Variants in NUP210L observed in about 807,000 individuals in gnomAD.
The protein encoded by NUP210L is nucleoporin 210 like.
A neutral mutation model predicts 208.5 loss-of-function variants in NUP210L; 74 were observed. That is an observed-to-expected ratio of 0.35 (90% confidence interval 0.29 to 0.43). NUP210L has a LOEUF of 0.43. NUP210L is among the 20% of genes least tolerant of loss of function. The probability of loss-of-function intolerance (pLI) is 1.00; values close to 1 mark genes in which losing one functional copy is unlikely to be tolerated. For missense variants in NUP210L, 1,843 were observed against 2,289.4 expected, an observed-to-expected ratio of 0.81 and a Z score of 3.98; for synonymous variants, 780 against 816.9, an observed-to-expected ratio of 0.95 and a Z score of 0.77.
chr1:154,104,297 T>C (rs1656634466), intron 12 of NUP210L, 87 bp from the exon 13 acceptor site: 2 of 987,868 alleles, frequency 2.0e-6, no homozygotes, highest in African/African-American at 1.6e-5. Flanking sequence ...AATAGAACCC[T>C]CCAGTGATTG....
At chr1:154,154,680 GCTCCTCGCCACCTTCACTGACACCACACT>G (rs1347807006) in intron 1 of NUP210L, among the ~76,000 whole-genome samples, 133 bp downstream of exon 1, 1 of 152,156 alleles carries the variant, frequency 6.6e-6, no homozygotes, top group African/African-American at 2.4e-5. Flanking sequence ...CCAAGGGTCT[GCTCCTCGCCACCTTCACTGACACCACACT>G]CTCCTCCCCT....
intron 33 of NUP210L, among the ~76,000 whole-genome samples, chr1:154,017,519 CTTT>C (rs553512184): frequency 2.3e-5 from 3 of 127,964 alleles, no homozygotes; most frequent in Non-Finnish European, 3.2e-5. Flanking sequence ...TTCTTTCTTT[CTTT>C]TTTTTTTTTT....
intron 11 of NUP210L, among the ~76,000 whole-genome samples, chr1:154,118,108 G>A (rs550883626): frequency 4.9e-4 from 74 of 152,226 alleles, no homozygotes; most frequent in African/African-American, 1.7e-3. Context: ...TCAGAAGTTC[G>A]AGACCAGCCT....
chr1:154,020,348 A>G (rs1358323785), intron 32 of NUP210L, among the ~76,000 whole-genome samples: 2 of 152,164 alleles, frequency 1.3e-5, no homozygotes, highest in Non-Finnish European at 2.9e-5. Context: ...TTTCCTAACC[A>G]AAGAATGATT....
chr1:153,995,997 TAAAA>T (rs530432726), intron 37 of NUP210L: 1 of 340,598 alleles, frequency 2.9e-6, no homozygotes. Context: ...TGAGGAGACT[TAAAA>T]AAAAAATGCG....
intron 2 of NUP210L, among the ~76,000 whole-genome samples, chr1:154,146,314 G>T (rs1051988542): frequency 3.3e-5 from 5 of 152,042 alleles, no homozygotes; most frequent in African/African-American, 1.2e-4. Context: ...ATAAATAATT[G>T]AATAAATTAA....
At chr1:154,089,355 A>C (rs1655783930) in intron 16 of NUP210L, 66 bp downstream of exon 16, 21 of 1,352,900 alleles carry the variant, frequency 1.6e-5, no homozygotes, top group Non-Finnish European at 2.0e-5. Context: ...AAAGAATTCC[A>C]GACTCTATCT....
At chr1:154,092,633 T>A (rs965977949) in intron 15 of NUP210L, among the ~76,000 whole-genome samples, 1 of 151,432 alleles carries the variant, frequency 6.6e-6, no homozygotes, top group Admixed American at 6.6e-5. Context: ...ATGATCCACC[T>A]GCCTCAGCCT....
In NUP210L at chr1:154,006,946, G is replaced by GTGTGTATATATATA. The variant is rs767785200; in HGVS notation, c.4930+3025_4930+3026insTATATATATACACA. Among the ~76,000 whole-genome samples the GTGTGTATATATATA allele has an allele frequency of 1.1e-3, 105 of 95,364 alleles. 1 individual carries two copies. The highest frequency in any genetic ancestry group is 5.1e-3 in the South Asian group (13 of 2,530). 62.6% of individuals were successfully genotyped at this position (95,364 alleles called of 152,430 possible). A position where few individuals can be genotyped will look rare whatever the true frequency, so the allele number is the denominator to read the frequency against. On this transcript the variant is annotated intron_variant, in intron 35 of 39. Coordinates refer to ENST00000368559, the Ensembl canonical transcript of NUP210L. ...TATGTCTGTGTGTGTGTGTGTGTGT[G>GTGTGTATATATATA]TATATATATATATATATATATTTTT... is the stretch of plus-strand genomic sequence containing the variant.
intron 35 of NUP210L, among the ~76,000 whole-genome samples, chr1:154,004,765 G>A (rs143003565): frequency 6.6e-6 from 1 of 151,876 alleles, no homozygotes. Context: ...CCCCACCTTG[G>A]CCTCCTGAGT....
Position 154,089,404 on chromosome 1 carries a change from A to T in NUP210L, c.2361+17T>A. On this transcript the variant is annotated intron_variant, in intron 16 of 39. Coordinates refer to ENST00000368559, the Ensembl canonical transcript of NUP210L. ...TATAAAAGTGCCAACTTAGTTGGAAACATACTCTGTACTTACCAGCCATTT... is the reference window on the plus strand; with the variant it reads ...TATAAAAGTGCCAACTTAGTTGGAATCATACTCTGTACTTACCAGCCATTT... 6.2e-7 allele frequency: 1 copy of T among 1,607,604 alleles called. No homozygotes were observed. Among genetic ancestry groups the T allele is most frequent in the Non-Finnish European group, 8.5e-7 (1 of 1,175,068 alleles).
At chr1:154,003,299 C>T (rs1007629176) in intron 35 of NUP210L, among the ~76,000 whole-genome samples, 9 of 151,830 alleles carry the variant, frequency 5.9e-5, no homozygotes, top group Non-Finnish European at 1.0e-4. Context: ...GCTCTGCCTC[C>T]CAGGTTCACG....
chr1:153,997,803 C>T lies in NUP210L; in HGVS notation c.5387-2623G>A, dbSNP rs1328225440. Among the ~76,000 whole-genome samples, 4 of 151,464 alleles carry T rather than the reference C, an allele frequency of 2.6e-5. No individual in the cohort carries two copies. In the East Asian group the frequency reaches 7.8e-4, roughly 29 times the overall value. On this transcript the variant is annotated intron_variant, in intron 37 of 39. Transcript: ENST00000368559. ...CCTCCCCATTCAAGCTATTCTCCTG[C>T]CTCAGCCTCCCGAGTAGCTGGGATT...
At chr1:154,021,829 A>T (rs1463397940) in intron 32 of NUP210L, among the ~76,000 whole-genome samples, 1 of 152,238 alleles carries the variant, frequency 6.6e-6, no homozygotes, top group African/African-American at 2.4e-5. Flanking sequence ...TGAAACAGGC[A>T]TTAAGCTAAA....
chr1:154,058,772 G>C (rs2147994238), intron 20 of NUP210L, 79 bp from the exon 21 acceptor site: 2 of 1,448,742 alleles, frequency 1.4e-6, no homozygotes, highest in Non-Finnish European at 9.4e-7. Context: ...TTCACCCAAA[G>C]CAGAATAGAA....
intron 2 of NUP210L, among the ~76,000 whole-genome samples, chr1:154,145,210 G>A (rs1240200451): frequency 2.0e-5 from 3 of 151,442 alleles, no homozygotes; most frequent in African/African-American, 7.3e-5. Flanking sequence ...CTGAGGTCAG[G>A]AGTTCAAGAC....
chr1:154,122,432 A>G (rs1480139604), intron 10 of NUP210L, among the ~76,000 whole-genome samples: 2 of 151,832 alleles, frequency 1.3e-5, no homozygotes, highest in Admixed American at 1.3e-4. Flanking sequence ...CGAGGCAGGC[A>G]GATCATGAGG....
chr1:154,015,945 TAAATAAATAA>T (rs1170826458), intron 33 of NUP210L, among the ~76,000 whole-genome samples: 2 of 144,710 alleles, frequency 1.4e-5, no homozygotes, highest in Non-Finnish European at 3.0e-5. Flanking sequence ...AATAAATAAA[TAAATAAATAA>T]AAATAAAAAA....
intron 27 of NUP210L, among the ~76,000 whole-genome samples, chr1:154,035,428 A>T (rs1358841972): frequency 1.4e-5 from 2 of 142,508 alleles, no homozygotes. Context: ...ATGGAGTTTC[A>T]CTCTTGCTGC....
Sources: allele counts gnomAD v4.1 joint callset (sites outside exome capture counted in the v4.1 genomes callset), GRCh38; gene constraint gnomAD v4.1.1; transcripts MANE v1.5; gene names NCBI Gene and HGNC (gene_info 2026-07-23, HGNC 2026-07-21).